TBL1XR1: variants seen among roughly 807,000 people sequenced by gnomAD.
TBL1XR1 encodes F-box-like/WD repeat-containing protein TBL1XR1.
Under a neutral mutation model 66.9 loss-of-function variants are expected in TBL1XR1, and 5 were observed. That is an observed-to-expected ratio of 0.07 (90% CI 0.04 to 0.16). The LOEUF (loss-of-function observed/expected upper bound fraction) is 0.16, where lower values mean the gene tolerates loss of function less well. TBL1XR1 is among the 10% of genes least tolerant of loss of function. The probability of loss-of-function intolerance (pLI) is 1.00; values close to 1 mark genes in which losing one functional copy is unlikely to be tolerated. For synonymous variants in TBL1XR1, 210 were observed against 206.0 expected, an observed-to-expected ratio of 1.02 and a Z score of -0.17; for missense variants, 238 against 623.2, an observed-to-expected ratio of 0.38 and a Z score of 6.58.
intron 1 of TBL1XR1, among the ~76,000 whole-genome samples, chr3:177,153,524 T>C (rs1387201484): frequency 6.6e-6 from 1 of 152,214 alleles, no homozygotes; most frequent in Non-Finnish European, 1.5e-5. Context: ...GAAATAGATG[T>C]ATGCTATTAT....
intron 2 of TBL1XR1, among the ~76,000 whole-genome samples, chr3:177,097,597 C>T (rs1723657565): frequency 6.6e-6 from 1 of 152,090 alleles, no homozygotes; most frequent in Admixed American, 6.6e-5. Flanking sequence ...TTATATTCTA[C>T]AGTGAAAGGC....
chr3:177,145,413 A>G, intron 1 of TBL1XR1, among the ~76,000 whole-genome samples: 1 of 152,204 alleles, frequency 6.6e-6, no homozygotes, highest in East Asian at 1.9e-4. Flanking sequence ...ACAAATATGT[A>G]TGGAATACAG....
At chr3:177,092,110 C>A (rs1577138590) in intron 2 of TBL1XR1, among the ~76,000 whole-genome samples, 1 of 152,176 alleles carries the variant, frequency 6.6e-6, no homozygotes, top group Non-Finnish European at 1.5e-5. Flanking sequence ...GTTTAGCGCT[C>A]CCATTGTGAA....
intron 1 of TBL1XR1, among the ~76,000 whole-genome samples, chr3:177,136,756 A>C (rs1729042826): frequency 6.6e-6 from 1 of 152,140 alleles, no homozygotes; most frequent in African/African-American, 2.4e-5. Flanking sequence ...CTAAAACTAC[A>C]GTGTACAACC....
At position 177,051,742 on chromosome 3, in the gene TBL1XR1, TG is replaced by T; in HGVS notation, c.205-17del. 3.3e-6 allele frequency: 5 copies of T among 1,519,522 alleles called. No individual in the cohort carries two copies. Among genetic ancestry groups the T allele is most frequent in the Non-Finnish European group, 4.4e-6 (5 of 1,128,548 alleles). The allele number at this position is 1,519,522 out of a possible 1,614,324, so 94.1% of individuals were successfully genotyped here. A position where few individuals can be genotyped will look rare whatever the true frequency, so the allele number is the denominator to read the frequency against. On this transcript the variant is annotated splice_polypyrimidine_tract_variant and intron_variant, in intron 4 of 15. Transcript: ENST00000457928. ...AGGTACCATCCTGGATTTGGAAAATTGTGAGAGAAGAAAAATCAAAGGCAAT... is the reference window on the plus strand; with the variant it reads ...AGGTACCATCCTGGATTTGGAAAATTTGAGAGAAGAAAAATCAAAGGCAAT...
At chr3:177,059,924 C>T (rs922730409) in intron 3 of TBL1XR1, among the ~76,000 whole-genome samples, 2 of 152,186 alleles carry the variant, frequency 1.3e-5, no homozygotes, top group Admixed American at 6.5e-5. Flanking sequence ...TTCCAGCCTT[C>T]ATCTTTCTCT....
At chr3:177,027,757 G>C (rs1044224853) in intron 14 of TBL1XR1, 1 of 152,104 alleles carries the variant, frequency 6.6e-6, no homozygotes, top group Non-Finnish European at 1.5e-5. Flanking sequence ...CAGATGCATT[G>C]GTACTGACAC....
intron 2 of TBL1XR1, among the ~76,000 whole-genome samples, chr3:177,090,572 A>G (rs1028058359): frequency 9.9e-5 from 15 of 151,746 alleles, no homozygotes; most frequent in Non-Finnish European, 1.9e-4. Context: ...TCCGTAATCA[A>G]GACACTTTGG....
intron 3 of TBL1XR1, among the ~76,000 whole-genome samples, chr3:177,063,562 A>G (rs1035865630): frequency 1.3e-5 from 2 of 152,236 alleles, no homozygotes; most frequent in Non-Finnish European, 2.9e-5. Flanking sequence ...AAAGTGCTAC[A>G]CAACTTTCAA....
chr3:177,200,835 G>A (rs547771439), upstream of TBL1XR1, among the ~76,000 whole-genome samples: 17 of 152,056 alleles, frequency 1.1e-4, no homozygotes, highest in South Asian at 6.2e-4. Context: ...GTGAAACCTC[G>A]TCTGTACTAA....
intron 1 of TBL1XR1, among the ~76,000 whole-genome samples, chr3:177,103,251 A>G (rs1353484224): frequency 6.6e-6 from 1 of 152,218 alleles, no homozygotes. Context: ...ATCATTAACA[A>G]GAAACTCAAG....
At chr3:177,064,171 A>T (rs1024616792) in intron 3 of TBL1XR1, among the ~76,000 whole-genome samples, 2 of 152,196 alleles carry the variant, frequency 1.3e-5, no homozygotes, top group Admixed American at 6.5e-5. Context: ...TTAAGGTATA[A>T]TTTCTAAAAT....
intron 14 of TBL1XR1, among the ~76,000 whole-genome samples, chr3:177,031,595 T>G (rs1421400501): frequency 6.7e-6 from 1 of 149,066 alleles, no homozygotes; most frequent in East Asian, 2.1e-4. Context: ...CCTCCCAAAG[T>G]GCTGGGATTA....
intron 10 of TBL1XR1, among the ~76,000 whole-genome samples, chr3:177,042,265 T>G (rs1480303480): frequency 2.0e-5 from 3 of 152,026 alleles, no homozygotes; most frequent in Non-Finnish European, 4.4e-5. Context: ...GCCTGAAAAA[T>G]CCAATTAGAA....
In TBL1XR1 at chr3:177,051,673, G is replaced by A. The variant is rs754803040; in HGVS notation, c.258C>T (p.Ala86=). 9 of 1,612,156 alleles carry A rather than the reference G, an allele frequency of 5.6e-6. No homozygotes were observed. Among genetic ancestry groups the A allele is most frequent in the Admixed American group, 3.3e-5 (2 of 59,912 alleles). The change falls in exon 5 of 16, where the codon GCC becomes GCT. Residue 86 remains alanine (A), a synonymous_variant. Coordinates refer to ENST00000457928, the MANE Select transcript of TBL1XR1 (RefSeq NM_024665.7). The part of the protein sequence containing the change: ...RPIESLSLID[A]VMPDVVQTRQ... The stretch of plus-strand genomic sequence containing the variant: ...TTGTTTGTACTACATCAGGCATTAC[G>A]GCATCTATCAGGGACAGAGACTCTA...
intron 1 of TBL1XR1, among the ~76,000 whole-genome samples, chr3:177,144,516 G>T (rs973240455): frequency 6.6e-6 from 1 of 152,006 alleles, no homozygotes; most frequent in African/African-American, 2.4e-5. Flanking sequence ...CACTTTGGGA[G>T]GCCAAGGCGG....
chr3:177,087,461 T>C (rs1049450566), intron 2 of TBL1XR1, among the ~76,000 whole-genome samples: 12 of 152,090 alleles, frequency 7.9e-5, no homozygotes, highest in African/African-American at 2.7e-4. Flanking sequence ...CCTTTTTGTT[T>C]TAAAAACTCT....
chr3:177,172,327 C>A (rs1036579122), intron 1 of TBL1XR1, among the ~76,000 whole-genome samples: 1 of 149,120 alleles, frequency 6.7e-6, no homozygotes, highest in African/African-American at 2.5e-5. Context: ...CAAGTCCACA[C>A]TGACATAAGT....
upstream of TBL1XR1, among the ~76,000 whole-genome samples, chr3:177,199,054 T>C (rs1205705258): frequency 1.3e-5 from 2 of 152,068 alleles, no homozygotes; most frequent in East Asian, 3.9e-4. Flanking sequence ...AATGACCTAG[T>C]GGGGCAGGGA....
Sources: allele counts gnomAD v4.1 joint callset (sites outside exome capture counted in the v4.1 genomes callset), GRCh38; gene constraint gnomAD v4.1.1; transcripts MANE v1.5; gene names NCBI Gene and HGNC (gene_info 2026-07-23, HGNC 2026-07-21).